Variants in CEMIP observed in about 807,000 individuals in gnomAD.
CEMIP encodes the protein cell migration inducing hyaluronidase 1.
A neutral mutation model predicts 156.9 loss-of-function variants in CEMIP; 105 were observed. The observed-to-expected ratio is 0.67, with a 90% CI of 0.57 to 0.79. The LOEUF (loss-of-function observed/expected upper bound fraction) is 0.79. Among genes scored for constraint, CEMIP ranks in the 30% least tolerant of loss-of-function variants. The probability of loss-of-function intolerance (pLI) is 0.00; values close to 1 mark genes in which losing one functional copy is unlikely to be tolerated. For synonymous variants in CEMIP, 676 were observed against 668.4 expected, an observed-to-expected ratio of 1.01 and a Z score of -0.17; for missense variants, 1,457 against 1,769.4, an observed-to-expected ratio of 0.82 and a Z score of 3.17.
At chr15:80,855,106 G>T (rs972508889) in intron 1 of CEMIP, among the ~76,000 whole-genome samples, 14 of 152,242 alleles carry the variant, frequency 9.2e-5, no homozygotes, top group African/African-American at 2.7e-4. Context: ...AGGATCGCTT[G>T]AGTACAGGGG....
chr15:80,854,957 G>A (rs1272236124), intron 1 of CEMIP, among the ~76,000 whole-genome samples: 1 of 152,174 alleles, frequency 6.6e-6, no homozygotes, highest in African/African-American at 2.4e-5. Context: ...TTGGGAGGCC[G>A]AGGCAGGAGG....
chr15:80,865,919 T>G (rs1898113508), intron 1 of CEMIP, among the ~76,000 whole-genome samples: 1 of 152,198 alleles, frequency 6.6e-6, no homozygotes, highest in Admixed American at 6.5e-5. Flanking sequence ...GGTATGGGAC[T>G]GGGGGATCCT....
chr15:80,843,060 C>G (rs1897464727), intron 1 of CEMIP, among the ~76,000 whole-genome samples: 1 of 152,192 alleles, frequency 6.6e-6, no homozygotes, highest in Non-Finnish European at 1.5e-5. Context: ...CTTTAAAATG[C>G]TGGTGGGACA....
At chr15:80,790,015 C>T (rs959176188) in intron 1 of CEMIP, among the ~76,000 whole-genome samples, 6 of 152,148 alleles carry the variant, frequency 3.9e-5, no homozygotes, top group Non-Finnish European at 7.4e-5. Flanking sequence ...TAGAGCCCTG[C>T]TCATGAAGGG....
At chr15:80,882,604 T>G (rs1439041102) in intron 6 of CEMIP, among the ~76,000 whole-genome samples, 1 of 152,218 alleles carries the variant, frequency 6.6e-6, no homozygotes, top group Admixed American at 6.5e-5. Flanking sequence ...ACTGACCTGT[T>G]AGTGAGAAGT....
intron 5 of CEMIP, 33 bp from the exon 6 acceptor site, chr15:80,880,867 C>T (rs747282585): frequency 6.4e-7 from 1 of 1,571,052 alleles, no homozygotes; most frequent in Non-Finnish European, 8.8e-7. Context: ...AGAGATGTGT[C>T]AGCCAACTCT....
chr15:80,901,616 C>G (rs1267872462), intron 12 of CEMIP, among the ~76,000 whole-genome samples: 1 of 151,658 alleles, frequency 6.6e-6, no homozygotes, highest in Non-Finnish European at 1.5e-5. Context: ...GCAGGAGAAT[C>G]GCTTGAACCT....
At chr15:80,919,539 C>T (rs983404527) in intron 14 of CEMIP, among the ~76,000 whole-genome samples, 3 of 152,106 alleles carry the variant, frequency 2.0e-5, no homozygotes, top group African/African-American at 4.8e-5. Context: ...CCTGGCACGG[C>T]GCGGTGGCTC....
chr15:80,860,420 G>C (rs892164723), intron 1 of CEMIP, among the ~76,000 whole-genome samples: 4 of 152,224 alleles, frequency 2.6e-5, no homozygotes, highest in Admixed American at 2.0e-4. Context: ...GGCCCACACA[G>C]TCTGAGATGA....
intron 7 of CEMIP, among the ~76,000 whole-genome samples, chr15:80,886,333 G>A (rs546861069): frequency 6.6e-6 from 1 of 152,246 alleles, no homozygotes; most frequent in East Asian, 1.9e-4. Context: ...GGGGGCAAAG[G>A]ACCTTCGAAT....
chr15:80,808,440 C>G (rs1031016983), intron 1 of CEMIP, among the ~76,000 whole-genome samples: 2 of 152,184 alleles, frequency 1.3e-5, no homozygotes, highest in African/African-American at 2.4e-5. Context: ...TTCAGGTGGG[C>G]AGGCAGGGTT....
At position 80,925,561 on chromosome 15, in the gene CEMIP, G is replaced by C. The variant is rs1900625860; in HGVS notation, c.2289-63G>C. 8 of 1,599,298 alleles carry C rather than the reference G, an allele frequency of 5.0e-6. No homozygotes were observed. In the East Asian group the frequency reaches 1.8e-4, roughly 36 times the overall value. On this transcript the variant is annotated intron_variant, in intron 18 of 29. Coordinates refer to ENST00000394685, the MANE Select transcript of CEMIP (RefSeq NM_001293298.2). ...AGAGAGAGGCTCACAGAGCCCAGAA[G>C]GGAGTCAGCAGAGGCGTGCCCCCAA...
intron 1 of CEMIP, among the ~76,000 whole-genome samples, chr15:80,780,733 G>A (rs1359552820): frequency 6.6e-6 from 1 of 152,254 alleles, no homozygotes; most frequent in Non-Finnish European, 1.5e-5. Context: ...TCCAGGGCGC[G>A]CCCGAGGGCG....
chr15:80,841,783 A>G (rs1897426023), intron 1 of CEMIP, among the ~76,000 whole-genome samples: 1 of 152,192 alleles, frequency 6.6e-6, no homozygotes, highest in African/African-American at 2.4e-5. Context: ...CTGGGAATTA[A>G]TAGCAACATT....
intron 1 of CEMIP, among the ~76,000 whole-genome samples, chr15:80,867,336 G>A (rs926209392): frequency 6.6e-6 from 1 of 152,228 alleles, no homozygotes; most frequent in African/African-American, 2.4e-5. Flanking sequence ...ACTGCAAGTT[G>A]TTTTATTTTT....
intron 5 of CEMIP, 69 bp downstream of exon 5, chr15:80,879,923 G>A (rs1898592109): frequency 1.3e-6 from 2 of 1,581,126 alleles, no homozygotes; most frequent in African/African-American, 2.7e-5. Flanking sequence ...TTCCAAGACA[G>A]AGAGAGAGGC....
In CEMIP at chr15:80,941,493, G is replaced by A. The variant is rs114501451; in HGVS notation, c.3408-356G>A. ...TTCCCAGCTGTGTGGTCCTGGGCGA[G>A]TCACTTCACTTCTCTGAGCCACCAT... On this transcript the variant is annotated intron_variant, in intron 25 of 29. Transcript: ENST00000394685. 6.9e-3 allele frequency among the ~76,000 whole-genome samples: 1,048 copies of A among 152,248 alleles called. 15 individuals are homozygous for A. The highest frequency in any genetic ancestry group is 0.024 in the African/African-American group (1,003 of 41,562).
intron 1 of CEMIP, among the ~76,000 whole-genome samples, chr15:80,850,222 C>G (rs944060558): frequency 6.6e-6 from 1 of 152,076 alleles, no homozygotes; most frequent in African/African-American, 2.4e-5. Context: ...GGAGTGATTC[C>G]TAGTCAGGGG....
intron 3 of CEMIP, among the ~76,000 whole-genome samples, chr15:80,874,840 A>C (rs1308770531): frequency 1.3e-5 from 2 of 152,120 alleles, no homozygotes; most frequent in African/African-American, 4.8e-5. Context: ...CTCTTTTGTT[A>C]ATGCTATTTT....
Sources: gnomAD v4.1 joint callset for allele counts (sites outside exome capture counted in the v4.1 genomes callset) on GRCh38, gnomAD v4.1.1 for gene constraint, MANE v1.5 for transcripts, NCBI Gene and HGNC (gene_info 2026-07-23, HGNC 2026-07-21) for gene names.